Variants in MKLN1 observed in about 807,000 individuals in gnomAD.
MKLN1 encodes the protein muskelin 1.
A neutral mutation model predicts 99.0 loss-of-function variants in MKLN1; 18 were observed. That is an observed-to-expected ratio of 0.18 (90% CI 0.13 to 0.27). The LOEUF is 0.27. Among genes scored for constraint, MKLN1 ranks in the 10% least tolerant of loss-of-function variants. The pLI is 1.00. For missense variants in MKLN1, 621 were observed against 875.9 expected, an observed-to-expected ratio of 0.71 and a Z score of 3.67; for synonymous variants, 288 against 293.2, an observed-to-expected ratio of 0.98 and a Z score of 0.18.
intron 3 of MKLN1, among the ~76,000 whole-genome samples, chr7:131,298,935 T>C (rs961816884): frequency 6.6e-6 from 1 of 152,218 alleles, no homozygotes; most frequent in Non-Finnish European, 1.5e-5. Flanking sequence ...ATTAGCACTT[T>C]GGGAGGCCGA....
chr7:131,145,373 A>T (rs1244121612), intron 2 of MKLN1, among the ~76,000 whole-genome samples: 1 of 152,168 alleles, frequency 6.6e-6, no homozygotes, highest in Admixed American at 6.5e-5. Context: ...TAAGAAGATG[A>T]GTCAACACAG....
chr7:131,234,093 C>A (rs1055924345), intron 3 of MKLN1, among the ~76,000 whole-genome samples: 1 of 152,144 alleles, frequency 6.6e-6, no homozygotes, highest in Admixed American at 6.5e-5. Flanking sequence ...GATTCTCCTG[C>A]CTCAGCCTCC....
chr7:131,367,208 C>T (rs1438631075), intron 1 of MKLN1, among the ~76,000 whole-genome samples: 1 of 152,124 alleles, frequency 6.6e-6, no homozygotes. Flanking sequence ...CAGTTTTCAT[C>T]CAGCATTGGT....
At chr7:131,159,174 CAG>C (rs1707097338) in intron 2 of MKLN1, among the ~76,000 whole-genome samples, 1 of 152,200 alleles carries the variant, frequency 6.6e-6, no homozygotes, top group South Asian at 2.1e-4. Context: ...GCCTGGACAA[CAG>C]AGAGACCCTG....
chr7:131,168,952 C>G (rs1796176186), intron 2 of MKLN1, among the ~76,000 whole-genome samples: 1 of 151,736 alleles, frequency 6.6e-6, no homozygotes, highest in African/African-American at 2.4e-5. Flanking sequence ...ACCGCAACCT[C>G]CACCTCCTGG....
At chr7:131,319,325 A>G (rs192876931) in intron 3 of MKLN1, among the ~76,000 whole-genome samples, 4 of 152,368 alleles carry the variant, frequency 2.6e-5, no homozygotes, top group Admixed American at 2.6e-4. Flanking sequence ...TATCACGTAA[A>G]CAGAACCAAT....
intron 2 of MKLN1, among the ~76,000 whole-genome samples, chr7:131,178,487 T>A (rs963038852): frequency 1.3e-5 from 2 of 151,770 alleles, no homozygotes; most frequent in African/African-American, 4.8e-5. Flanking sequence ...TAAAAAAAAA[T>A]CTGGACACAC....
At chr7:131,395,322 A>G (rs1226279351) in intron 4 of MKLN1, among the ~76,000 whole-genome samples, 1 of 151,986 alleles carries the variant, frequency 6.6e-6, no homozygotes, top group African/African-American at 2.4e-5. Flanking sequence ...TGAGATAACC[A>G]TTGTGGTTTG....
At chr7:131,478,739 G>T in intron 17 of MKLN1, 62 bp downstream of exon 17, 1 of 1,584,268 alleles carries the variant, frequency 6.3e-7, no homozygotes. Context: ...TTGGATTTTG[G>T]TTTCTTTTAC....
chr7:131,416,209 G>A (rs1327145615), intron 8 of MKLN1, among the ~76,000 whole-genome samples: 4 of 152,136 alleles, frequency 2.6e-5, no homozygotes, highest in Non-Finnish European at 4.4e-5. Flanking sequence ...AAATATAAAA[G>A]TAATATGGTT....
chr7:131,253,512 G>T (rs986490921), intron 3 of MKLN1, among the ~76,000 whole-genome samples: 2 of 152,104 alleles, frequency 1.3e-5, no homozygotes, highest in Non-Finnish European at 2.9e-5. Flanking sequence ...GGCTCCAATT[G>T]TCCTCACCCC....
intron 2 of MKLN1, among the ~76,000 whole-genome samples, chr7:131,187,887 T>C (rs1796476143): frequency 6.6e-6 from 1 of 151,832 alleles, no homozygotes; most frequent in African/African-American, 2.4e-5. Flanking sequence ...ACCCAGGAGG[T>C]GGAGGTTGCA....
intron 2 of MKLN1, among the ~76,000 whole-genome samples, chr7:131,177,857 T>G (rs920939328): frequency 6.6e-6 from 1 of 152,224 alleles, no homozygotes; most frequent in Non-Finnish European, 1.5e-5. Flanking sequence ...TTGTCTCATA[T>G]AAAAGATGTT....
intron 2 of MKLN1, among the ~76,000 whole-genome samples, chr7:131,149,236 A>G (rs943075110): frequency 6.6e-6 from 1 of 152,208 alleles, no homozygotes; most frequent in Admixed American, 6.5e-5. Flanking sequence ...TGATGGTGGC[A>G]GGAGAGCTGG....
At chr7:131,368,711 C>G (rs867598076) in intron 1 of MKLN1, among the ~76,000 whole-genome samples, 1 of 152,098 alleles carries the variant, frequency 6.6e-6, no homozygotes, top group Non-Finnish European at 1.5e-5. Flanking sequence ...TAAAATTCAA[C>G]ATGAGATTTG....
At chr7:131,452,070 C>T (rs926920890) in intron 12 of MKLN1, among the ~76,000 whole-genome samples, 3 of 152,200 alleles carry the variant, frequency 2.0e-5, no homozygotes, top group African/African-American at 7.2e-5. Flanking sequence ...ATTGTGTCCA[C>T]TCTGTTTTCC....
chr7:131,406,641 C>T (rs181401399), intron 6 of MKLN1, among the ~76,000 whole-genome samples: 19 of 152,016 alleles, frequency 1.2e-4, no homozygotes, highest in Admixed American at 2.6e-4. Context: ...TTCCCTGTGC[C>T]GTAAGCCCAT....
intron 1 of MKLN1, among the ~76,000 whole-genome samples, chr7:131,133,702 A>G (rs112544733): frequency 0.5 from 74,615 of 149,976 alleles, 19,492 homozygotes; most frequent in East Asian, 0.8. Flanking sequence ...TGACCAGGCT[A>G]GTCTCAAACC....
chr7:131,160,488 TATTA>T (rs1460024374), intron 2 of MKLN1, among the ~76,000 whole-genome samples: 4 of 127,346 alleles, frequency 3.1e-5, no homozygotes, highest in Non-Finnish European at 4.9e-5. Context: ...TTATTATTAT[TATTA>T]ATTATTATTA....
Sources: allele counts gnomAD v4.1 joint callset (sites outside exome capture counted in the v4.1 genomes callset), GRCh38; gene constraint gnomAD v4.1.1; transcripts MANE v1.5; gene names NCBI Gene and HGNC (gene_info 2026-07-23, HGNC 2026-07-21).